The following RERE variants were observed in gnomAD, a reference collection of about 807,000 sequenced individuals.
The protein encoded by RERE is arginine-glutamic acid dipeptide repeats.
RERE carries 40 observed loss-of-function variants against 146.1 expected under a neutral mutation model. That is an observed-to-expected ratio of 0.27 (90% CI 0.21 to 0.36). RERE has a LOEUF of 0.36. Among genes scored for constraint, RERE ranks in the 10% least tolerant of loss-of-function variants. The pLI, the probability that RERE is intolerant of heterozygous loss-of-function variation, is 1.00. For synonymous variants in RERE, 1,003 were observed against 866.0 expected (o/e 1.16, Z -2.78); for missense variants, 1,933 against 2,138.7 (o/e 0.90, Z 1.90).
chr1:8,382,930 T>C (rs1243728908), intron 12 of RERE, among the ~76,000 whole-genome samples: 1 of 151,880 alleles, frequency 6.6e-6, no homozygotes, highest in Non-Finnish European at 1.5e-5. Flanking sequence ...GGATTTTTTC[T>C]TGAAAATCCT....
At chr1:8,444,314 C>G (rs1029529236) in intron 11 of RERE, among the ~76,000 whole-genome samples, 1 of 152,178 alleles carries the variant, frequency 6.6e-6, no homozygotes, top group Non-Finnish European at 1.5e-5. Flanking sequence ...TTTCTTTTGA[C>G]TGATTTCTAC....
chr1:8,575,258 C>T (rs1488941924), intron 4 of RERE, among the ~76,000 whole-genome samples: 4 of 152,038 alleles, frequency 2.6e-5, no homozygotes, highest in Non-Finnish European at 4.4e-5. Context: ...AACCAGAAAT[C>T]GTGCATCCTT....
intron 8 of RERE, among the ~76,000 whole-genome samples, chr1:8,497,859 A>C (rs1471073506): frequency 6.6e-6 from 1 of 152,254 alleles, no homozygotes; most frequent in African/African-American, 2.4e-5. Flanking sequence ...TTAGATGATA[A>C]CAGCTATTGA....
intron 12 of RERE, among the ~76,000 whole-genome samples, chr1:8,401,359 T>C (rs1011979755): frequency 2.0e-5 from 3 of 152,056 alleles, no homozygotes; most frequent in African/African-American, 7.2e-5. Flanking sequence ...GGAGAATCGC[T>C]TGAACCCGGG....
At chr1:8,598,964 A>C (rs1386571615) in intron 4 of RERE, among the ~76,000 whole-genome samples, 3 of 152,258 alleles carry the variant, frequency 2.0e-5, no homozygotes, top group African/African-American at 4.8e-5. Flanking sequence ...GACAGAAGGC[A>C]GAAGGCTGCA....
intron 7 of RERE, among the ~76,000 whole-genome samples, chr1:8,520,799 A>G (rs984284202): frequency 6.0e-5 from 9 of 149,956 alleles, no homozygotes; most frequent in Non-Finnish European, 1.3e-4. Context: ...AAACCCACTT[A>G]CAAAGCAGCA....
intron 11 of RERE, among the ~76,000 whole-genome samples, chr1:8,463,831 A>AT (rs1644559284): frequency 6.6e-6 from 1 of 152,230 alleles, no homozygotes; most frequent in African/African-American, 2.4e-5. Flanking sequence ...GCAGCCATGG[A>AT]TTGCAAGCTG....
chr1:8,684,375 AAAG>A (rs2124403440), intron 1 of RERE, among the ~76,000 whole-genome samples: 1 of 152,332 alleles, frequency 6.6e-6, no homozygotes, highest in East Asian at 1.9e-4. Flanking sequence ...CACTGTCATA[AAAG>A]AAGAAATAAT....
At chr1:8,499,782 CAATT>C (rs1348123004) in intron 8 of RERE, among the ~76,000 whole-genome samples, 2 of 152,218 alleles carry the variant, frequency 1.3e-5, no homozygotes, top group Non-Finnish European at 2.9e-5. Flanking sequence ...CTGAGTGTCA[CAATT>C]AGTTCTGCTT....
intron 1 of RERE, among the ~76,000 whole-genome samples, chr1:8,676,212 T>A (rs766414852): frequency 1.5e-4 from 23 of 152,168 alleles, no homozygotes; most frequent in Non-Finnish European, 2.9e-4. Context: ...GAGTCACAGA[T>A]TAGAATAACA....
chr1:8,355,544 G>C lies in RERE; in HGVS notation c.4542C>G (p.Ala1514=). The C allele has an allele frequency of 6.2e-7, 1 of 1,607,606 alleles. No homozygotes were observed. The highest frequency in any genetic ancestry group is 8.5e-7 in the Non-Finnish European group (1 of 1,176,620). The part of the protein sequence containing the change: ...PGAIPPPMSA[A]HQLQAMHAQS... ...GGGCATGCATGGCCTGCAGCTGGTG[G>C]GCTGCTGACATGGGGGGTGGGATGG... The change falls in exon 22 of 23, where the codon GCC becomes GCG. Residue 1514 remains alanine (A), a synonymous_variant. Transcript: ENST00000400908.
At chr1:8,541,173 G>T (rs200086554) in intron 7 of RERE, 41 bp downstream of exon 7, 803 of 1,117,928 alleles carry the variant, frequency 7.2e-4, no homozygotes, top group Non-Finnish European at 9.7e-4. Flanking sequence ...ATGAGAAAAG[G>T]AAAAGAGTTC....
At chr1:8,507,330 TAAGA>T (rs1297031349) in intron 8 of RERE, among the ~76,000 whole-genome samples, 1 of 152,116 alleles carries the variant, frequency 6.6e-6, no homozygotes, top group Non-Finnish European at 1.5e-5. Flanking sequence ...TGCAATGAAA[TAAGA>T]AAGAGCAACA....
chr1:8,583,868 G>C (rs72639659), intron 4 of RERE, among the ~76,000 whole-genome samples: 2,314 of 151,788 alleles, frequency 0.015, 43 homozygotes, highest in South Asian at 0.028. Flanking sequence ...ATAAAAACAA[G>C]CAAAAGCAAA....
chr1:8,426,176 C>T (rs1056131695), intron 11 of RERE, among the ~76,000 whole-genome samples: 9 of 152,170 alleles, frequency 5.9e-5, no homozygotes, highest in African/African-American at 1.9e-4. Context: ...GTCTTTCAGC[C>T]GGGCGCGGTG....
chr1:8,727,314 G>C (rs1434330006), intron 1 of RERE, among the ~76,000 whole-genome samples: 1 of 150,292 alleles, frequency 6.7e-6, no homozygotes, highest in Non-Finnish European at 1.5e-5. Flanking sequence ...AGCTAATTTT[G>C]TATTTTTCAT....
chr1:8,532,979 G>A (rs1237020212), intron 7 of RERE, among the ~76,000 whole-genome samples: 2 of 151,924 alleles, frequency 1.3e-5, no homozygotes, highest in East Asian at 1.9e-4. Flanking sequence ...GTGATCCACC[G>A]CCTCAGCCTC....
At chr1:8,540,229 G>A (rs960182870) in intron 7 of RERE, among the ~76,000 whole-genome samples, 4 of 152,030 alleles carry the variant, frequency 2.6e-5, no homozygotes, top group African/African-American at 9.7e-5. Flanking sequence ...CTGAGTACCT[G>A]GGACCACAGG....
At chr1:8,756,560 T>TA (rs909108182) in intron 1 of RERE, among the ~76,000 whole-genome samples, 27 of 151,634 alleles carry the variant, frequency 1.8e-4, no homozygotes, top group South Asian at 4.2e-4. Context: ...TCAAGAGCCA[T>TA]AAAAAAAAAG....
Sources: gnomAD v4.1 joint callset for allele counts (sites outside exome capture counted in the v4.1 genomes callset) on GRCh38, gnomAD v4.1.1 for gene constraint, MANE v1.5 for transcripts, NCBI Gene and HGNC (gene_info 2026-07-23, HGNC 2026-07-21) for gene names.